The following CCDC30 variants were observed in gnomAD, a reference collection of about 807,000 sequenced individuals.
CCDC30 encodes the protein coiled-coil domain containing 30.
A neutral mutation model predicts 100.2 loss-of-function variants in CCDC30; 70 were observed. That is an observed-to-expected ratio of 0.70 (90% CI 0.58 to 0.85). The LOEUF (loss-of-function observed/expected upper bound fraction) is 0.85. Ranked by LOEUF, CCDC30 falls within the 40% of genes least tolerant of loss-of-function variation. CCDC30 has a pLI of 0.00. For missense variants in CCDC30, 652 were observed against 771.2 expected (o/e 0.85, Z 1.83); for synonymous variants, 233 against 269.5 (o/e 0.86, Z 1.33).
At chr1:42,656,660 T>A (rs1648673368), downstream of CCDC30, among the ~76,000 whole-genome samples, 1 of 151,836 alleles carries the variant, frequency 6.6e-6, no homozygotes, top group African/African-American at 2.4e-5. Flanking sequence ...ACATAAATAA[T>A]AAAATAAATA....
At chr1:42,562,279 C>G (rs1174876593) in intron 6 of CCDC30, among the ~76,000 whole-genome samples, 1 of 152,064 alleles carries the variant, frequency 6.6e-6, no homozygotes, top group Admixed American at 6.5e-5. Flanking sequence ...TGGAGCAGAA[C>G]AGAGACCTCA....
Position 42,497,183 on chromosome 1 carries a change from TGACTC to T in CCDC30, c.328_332del (p.Asp110ArgfsTer7), listed in dbSNP as rs1644244286. 8.1e-7 allele frequency: 1 copy of T among 1,234,214 alleles called. No homozygotes were observed. The highest frequency in any genetic ancestry group is 1.0e-6 in the Non-Finnish European group (1 of 988,038). 76.5% of individuals were successfully genotyped at this position (1,234,214 alleles called of 1,614,324 possible). A position where few individuals can be genotyped will look rare whatever the true frequency, so the allele number is the denominator to read the frequency against. On this transcript the variant is annotated frameshift_variant, in exon 5 of 17. Transcript: ENST00000668663. LOFTEE classifies it high-confidence loss of function. ...CTTTAAGAAATAGGGTTCGATCACT[TGACTC>T]AGAAAAAAAGGTGCTTGGTGAAATG...
exon 10 of CCDC30, chr1:42,589,463 G>A (rs1047683573): frequency 3.1e-5 from 50 of 1,612,456 alleles, no homozygotes; most frequent in Non-Finnish European, 4.2e-5. Flanking sequence ...ACTGGAAAAT[G>A]AAAAAAGAAA....
intron 6 of CCDC30, among the ~76,000 whole-genome samples, chr1:42,509,495 A>T (rs1644444979): frequency 6.6e-6 from 1 of 152,194 alleles, no homozygotes; most frequent in Non-Finnish European, 1.5e-5. Context: ...CCACCCAGGA[A>T]CTGACTTAGC....
intron 6 of CCDC30, among the ~76,000 whole-genome samples, chr1:42,554,085 G>C (rs1557849334): frequency 6.6e-6 from 1 of 152,010 alleles, no homozygotes; most frequent in Non-Finnish European, 1.5e-5. Context: ...TTGATAAGTA[G>C]TTTTCATGTT....
At chr1:42,540,263 A>G (rs1002303610) in intron 6 of CCDC30, among the ~76,000 whole-genome samples, 5 of 152,206 alleles carry the variant, frequency 3.3e-5, no homozygotes, top group African/African-American at 9.6e-5. Flanking sequence ...AGCATGTGAC[A>G]TGGGAGGGAA....
chr1:42,654,095 A>G (rs1053696043), exon 17 of CCDC30: 8 of 1,150,362 alleles, frequency 7.0e-6, no homozygotes, highest in African/African-American at 3.1e-5. Flanking sequence ...AAGGTGGACC[A>G]TGACATTGAG....
intron 6 of CCDC30, among the ~76,000 whole-genome samples, chr1:42,508,663 A>ATG (rs1320797154): frequency 6.6e-6 from 1 of 152,000 alleles, no homozygotes; most frequent in East Asian, 1.9e-4. Flanking sequence ...GAGGGTGTGT[A>ATG]CGTGTGTGTG....
intron 1 of CCDC30, among the ~76,000 whole-genome samples, chr1:42,468,432 G>A (rs887035854): frequency 6.6e-6 from 1 of 152,190 alleles, no homozygotes; most frequent in Non-Finnish European, 1.5e-5. Context: ...CTTAAGGACA[G>A]TTTCTGGAAG....
intron 6 of CCDC30, among the ~76,000 whole-genome samples, chr1:42,538,314 A>G (rs1473076908): frequency 1.3e-5 from 2 of 151,798 alleles, no homozygotes; most frequent in African/African-American, 4.8e-5. Flanking sequence ...TGGGTGACAG[A>G]GGGAGACCCT....
chr1:42,592,987 A>T (rs1646217044), intron 10 of CCDC30: 1 of 152,186 alleles, frequency 6.6e-6, no homozygotes, highest in African/African-American at 2.4e-5. Flanking sequence ...AAATGGCCAA[A>T]TACAACTTCT....
chr1:42,500,882 A>C (rs2148479118), intron 6 of CCDC30, among the ~76,000 whole-genome samples: 1 of 152,306 alleles, frequency 6.6e-6, no homozygotes, highest in South Asian at 2.1e-4. Flanking sequence ...ATAAGCCGCT[A>C]CACCTGGCCA....
chr1:42,491,590 T>C (rs1238327992), intron 4 of CCDC30: 1 of 153,038 alleles, frequency 6.5e-6, no homozygotes, highest in Non-Finnish European at 1.5e-5. Context: ...ATTGTACCTT[T>C]TAAAATAACT....
intron 6 of CCDC30, among the ~76,000 whole-genome samples, chr1:42,540,670 T>TAC (rs1156598415): frequency 6.7e-4 from 83 of 123,080 alleles, no homozygotes; most frequent in African/African-American, 2.4e-3. Context: ...CACACACACA[T>TAC]ACACATACAC....
chr1:42,619,161 C>G (rs1250027816), intron 11 of CCDC30, among the ~76,000 whole-genome samples: 1 of 152,180 alleles, frequency 6.6e-6, no homozygotes, highest in Non-Finnish European at 1.5e-5. Context: ...CTATATCTAG[C>G]TTTGTATACA....
chr1:42,461,551 T>TG (rs1490255321), upstream of CCDC30, among the ~76,000 whole-genome samples: 1 of 104,746 alleles, frequency 9.5e-6, no homozygotes, highest in African/African-American at 3.3e-5. Context: ...ACCCAGGCTC[T>TG]TTTTTTTTTT....
At chr1:42,577,180 A>G (rs1270963485) in exon 8 of CCDC30, 1 of 1,614,164 alleles carries the variant, frequency 6.2e-7, no homozygotes, top group Non-Finnish European at 8.5e-7. Context: ...AACAACCTAC[A>G]GGAAAAGCTG....
chr1:42,628,221 G>A (rs571986992), intron 11 of CCDC30, among the ~76,000 whole-genome samples: 13 of 152,178 alleles, frequency 8.5e-5, no homozygotes, highest in Non-Finnish European at 1.8e-4. Flanking sequence ...CCTGGGCCCT[G>A]TAACCCCTTT....
At chr1:42,591,422 A>G (rs1021792766) in intron 10 of CCDC30, 1 of 152,562 alleles carries the variant, frequency 6.6e-6, no homozygotes, top group African/African-American at 2.4e-5. Context: ...AAAGGACCCC[A>G]GATACAGCTC....
Sources: gnomAD v4.1 joint callset for allele counts (sites outside exome capture counted in the v4.1 genomes callset) on GRCh38, gnomAD v4.1.1 for gene constraint, MANE v1.5 for transcripts, NCBI Gene and HGNC (gene_info 2026-07-23, HGNC 2026-07-21) for gene names.